The following CDK6 variants were observed in gnomAD, a reference collection of about 807,000 sequenced individuals.
CDK6 encodes the protein cyclin-dependent kinase 6.
In CDK6, 6 loss-of-function variants were observed where a neutral mutation model predicts 37.1. The ratio of observed to expected loss-of-function variants is 0.16; its 90% CI spans 0.09 to 0.32. CDK6 has a LOEUF of 0.32. Ranked by LOEUF, CDK6 falls within the 10% of genes least tolerant of loss-of-function variation. The pLI, the probability that CDK6 is intolerant of heterozygous loss-of-function variation, is 1.00. For synonymous variants in CDK6, 160 were observed against 161.3 expected, an observed-to-expected ratio of 0.99 and a Z score of 0.06; for missense variants, 224 against 418.9, an observed-to-expected ratio of 0.53 and a Z score of 4.06.
intron 2 of CDK6, among the ~76,000 whole-genome samples, chr7:92,800,159 A>G (rs1236046462): frequency 6.6e-6 from 1 of 152,088 alleles, no homozygotes; most frequent in Non-Finnish European, 1.5e-5. Flanking sequence ...TTAGGCCACC[A>G]TTATTTTTTC....
intron 3 of CDK6, among the ~76,000 whole-genome samples, chr7:92,771,951 C>A (rs769279696): frequency 4.6e-5 from 7 of 152,174 alleles, no homozygotes; most frequent in African/African-American, 1.7e-4. Flanking sequence ...TCCTACTTAG[C>A]AGCTGTTTAT....
intron 2 of CDK6, among the ~76,000 whole-genome samples, chr7:92,827,328 T>C (rs1801349945): frequency 1.3e-5 from 2 of 152,110 alleles, no homozygotes; most frequent in South Asian, 2.1e-4. Context: ...ACAAAGCCAG[T>C]AGATATCCAA....
intron 2 of CDK6, among the ~76,000 whole-genome samples, chr7:92,799,624 G>T (rs1426130599): frequency 6.6e-6 from 1 of 151,998 alleles, no homozygotes; most frequent in Admixed American, 6.6e-5. Flanking sequence ...ATTTTGAACC[G>T]CCTGTGCTGT....
intron 4 of CDK6, among the ~76,000 whole-genome samples, chr7:92,709,729 T>C (rs2116677885): frequency 6.6e-6 from 1 of 152,312 alleles, no homozygotes; most frequent in African/African-American, 2.4e-5. Flanking sequence ...TTTTTCTTAT[T>C]GCCTCACTGT....
intron 3 of CDK6, among the ~76,000 whole-genome samples, chr7:92,744,425 T>TCA (rs1389349289): frequency 6.6e-6 from 1 of 152,158 alleles, no homozygotes; most frequent in African/African-American, 2.4e-5. Flanking sequence ...CCCCCATGAT[T>TCA]CACTTAACTC....
At chr7:92,682,985 G>GT (rs1289372026) in intron 4 of CDK6, among the ~76,000 whole-genome samples, 2 of 152,184 alleles carry the variant, frequency 1.3e-5, no homozygotes, top group African/African-American at 4.8e-5. Flanking sequence ...TATGTTTAAA[G>GT]TAACAAACTC....
chr7:92,824,813 C>G (rs1239200030), intron 2 of CDK6, among the ~76,000 whole-genome samples: 1 of 151,946 alleles, frequency 6.6e-6, no homozygotes, highest in Admixed American at 6.6e-5. Context: ...TTCATTTGAT[C>G]AGAGTAAACC....
chr7:92,725,287 C>G (rs192624934), intron 4 of CDK6: 7 of 985,428 alleles, frequency 7.1e-6, no homozygotes, highest in African/African-American at 1.7e-5. Flanking sequence ...CTTCCCTGAC[C>G]TTGAGCTGTG....
intron 2 of CDK6, among the ~76,000 whole-genome samples, chr7:92,800,264 G>A (rs972929666): frequency 8.6e-5 from 13 of 151,928 alleles, no homozygotes; most frequent in Admixed American, 8.5e-4. Context: ...TGACCCTATC[G>A]ATTGGGCATT....
intron 3 of CDK6, among the ~76,000 whole-genome samples, chr7:92,750,223 T>C (rs908049782): frequency 2.6e-5 from 4 of 152,162 alleles, no homozygotes; most frequent in Non-Finnish European, 5.9e-5. Flanking sequence ...TTGGTTACAG[T>C]CCTAGCACAG....
intron 4 of CDK6, chr7:92,710,626 G>C (rs1798067711): frequency 1.2e-6 from 1 of 847,168 alleles, no homozygotes; most frequent in Non-Finnish European, 1.4e-6. Context: ...AATGGGTCCA[G>C]AAAAAAATCT....
intron 4 of CDK6, among the ~76,000 whole-genome samples, chr7:92,673,944 AT>A (rs968772086): frequency 6.6e-6 from 1 of 151,178 alleles, no homozygotes; most frequent in Non-Finnish European, 1.5e-5. Flanking sequence ...CACCCGGCTA[AT>A]TTTTTTTGTA....
In CDK6 at chr7:92,749,642, T is replaced by G. The variant is rs531264937; in HGVS notation, c.370-23849A>C. On this transcript the variant is annotated intron_variant, in intron 3 of 7. Coordinates refer to ENST00000424848, the MANE Select transcript of CDK6 (RefSeq NM_001145306.2). The stretch of plus-strand genomic sequence containing the variant: ...GAACCTCTTTTCCACTTATATCTCA[T>G]AGGGAACTTCTGACTGCTCTGCAGC... 2.0e-5 allele frequency among the ~76,000 whole-genome samples: 3 copies of G among 152,346 alleles called. No individual in the cohort carries two copies. In the South Asian group the frequency reaches 6.2e-4, roughly 32 times the overall value.
chr7:92,823,007 T>A (rs1320078392), intron 2 of CDK6, among the ~76,000 whole-genome samples: 1 of 151,942 alleles, frequency 6.6e-6, no homozygotes, highest in Non-Finnish European at 1.5e-5. Flanking sequence ...TTAATGAGCA[T>A]GTTGTCCTTT....
chr7:92,827,268 T>C (rs914883836), intron 2 of CDK6, among the ~76,000 whole-genome samples: 2 of 152,180 alleles, frequency 1.3e-5, no homozygotes, highest in African/African-American at 4.8e-5. Context: ...CTGAACTAAA[T>C]CCTTTAGGAA....
intron 4 of CDK6, chr7:92,725,206 C>T (rs1798482259): frequency 4.1e-6 from 4 of 985,432 alleles, no homozygotes; most frequent in Non-Finnish European, 4.8e-6. Flanking sequence ...AGTGCATTAA[C>T]AAACCTGTGT....
At chr7:92,745,965 C>G (rs2115655491) in intron 3 of CDK6, among the ~76,000 whole-genome samples, 1 of 152,274 alleles carries the variant, frequency 6.6e-6, no homozygotes, top group East Asian at 1.9e-4. Context: ...TATATTCTTC[C>G]AGGTTTGGTT....
At chr7:92,740,132 A>G (rs112453414) in intron 3 of CDK6, among the ~76,000 whole-genome samples, 8 of 152,276 alleles carry the variant, frequency 5.3e-5, no homozygotes, top group African/African-American at 1.9e-4. Flanking sequence ...CAAAGGTAAA[A>G]CTTAGATTGT....
At chr7:92,804,344 C>G (rs983673897) in intron 2 of CDK6, among the ~76,000 whole-genome samples, 1 of 152,128 alleles carries the variant, frequency 6.6e-6, no homozygotes, top group Non-Finnish European at 1.5e-5. Context: ...TTTAGCCAAC[C>G]AAAACAAATC....
Sources: gnomAD v4.1 joint callset for allele counts (sites outside exome capture counted in the v4.1 genomes callset) on GRCh38, gnomAD v4.1.1 for gene constraint, MANE v1.5 for transcripts, NCBI Gene and HGNC (gene_info 2026-07-23, HGNC 2026-07-21) for gene names.